The following NDUFS1 variants were observed in gnomAD, a reference collection of about 807,000 sequenced individuals.
NDUFS1 encodes NADH:ubiquinone oxidoreductase core subunit S1.
Under a neutral mutation model 84.4 loss-of-function variants are expected in NDUFS1, and 61 were observed. The ratio of observed to expected loss-of-function variants is 0.72; its 90% confidence interval spans 0.59 to 0.89. The LOEUF (loss-of-function observed/expected upper bound fraction) is 0.89. Among genes scored for constraint, NDUFS1 ranks in the 40% least tolerant of loss-of-function variants. The pLI is 0.00. For synonymous variants in NDUFS1, 275 were observed against 290.0 expected, an observed-to-expected ratio of 0.95 and a Z score of 0.53; for missense variants, 891 against 890.0, an observed-to-expected ratio of 1.00 and a Z score of -0.01.
chr2:206,158,052 C>A (rs960511681), intron 1 of NDUFS1, among the ~76,000 whole-genome samples: 1 of 151,282 alleles, frequency 6.6e-6, no homozygotes, highest in African/African-American at 2.4e-5. Context: ...CAAGCCCCGC[C>A]ACCCGGGTTC....
chr2:206,141,597 TAAA>T (rs35163721), intron 12 of NDUFS1, among the ~76,000 whole-genome samples: 8,019 of 136,362 alleles, frequency 0.059, 296 homozygotes, highest in African/African-American at 0.11. Flanking sequence ...TTAAAAAAAT[TAAA>T]AAAAAAAAAA....
At chr2:206,156,996 C>A (rs9750412) in intron 1 of NDUFS1, among the ~76,000 whole-genome samples, 1 of 152,202 alleles carries the variant, frequency 6.6e-6, no homozygotes, top group Non-Finnish European at 1.5e-5. Flanking sequence ...CTCACTCTGT[C>A]ACCCAGGTTG....
At chr2:206,158,029 T>A (rs139515229) in intron 1 of NDUFS1, among the ~76,000 whole-genome samples, 1 of 148,148 alleles carries the variant, frequency 6.8e-6, no homozygotes, top group Non-Finnish European at 1.5e-5. Context: ...AGCGGAGCGA[T>A]CTCGGCTCAC....
At position 206,142,117 on chromosome 2, in the gene NDUFS1, TA is replaced by T. The variant is rs1269835920; in HGVS notation, c.1134-49del. ...GCAAATTTACTTTAAAATTAAGACA[TA>T]CAGAGAATCCATGAAATATTCTCCT... On this transcript the variant is annotated intron_variant, in intron 11 of 18. Transcript: ENST00000233190. The T allele has an allele frequency of 9.4e-6, 14 of 1,488,712 alleles. No homozygotes were observed. In the East Asian group the frequency reaches 3.3e-4, roughly 35 times the overall value. 92.2% of individuals were successfully genotyped at this position (1,488,712 alleles called of 1,614,324 possible).
intron 1 of NDUFS1, among the ~76,000 whole-genome samples, chr2:206,158,124 A>G (rs1463706089): frequency 6.6e-6 from 1 of 151,764 alleles, no homozygotes; most frequent in Non-Finnish European, 1.5e-5. Flanking sequence ...CACCACGCCC[A>G]GCTAATTTTT....
intron 12 of NDUFS1, among the ~76,000 whole-genome samples, chr2:206,141,002 T>C (rs911878577): frequency 5.3e-5 from 8 of 151,024 alleles, no homozygotes; most frequent in African/African-American, 7.4e-5. Flanking sequence ...AGTTAATCTA[T>C]GTGAACAATA....
intron 15 of NDUFS1, among the ~76,000 whole-genome samples, chr2:206,128,966 G>C (rs567340775): frequency 6.6e-6 from 1 of 152,040 alleles, no homozygotes; most frequent in South Asian, 2.1e-4. Flanking sequence ...AATGGGGGAG[G>C]ATGCAAAGAC....
At chr2:206,158,550 TAG>T (rs1281139523) in intron 1 of NDUFS1, among the ~76,000 whole-genome samples, 1 of 152,238 alleles carries the variant, frequency 6.6e-6, no homozygotes, top group Non-Finnish European at 1.5e-5. Context: ...CGTTAATTTG[TAG>T]AGACCACTTT....
In NDUFS1 at chr2:206,115,490, C is replaced by T. The variant is rs1690920065; in HGVS notation, c.*8695G>A. 5.4e-6 allele frequency: 1 copy of T among 185,926 alleles called. No homozygotes were observed. The highest frequency in any genetic ancestry group is 2.4e-5 in the African/African-American group (1 of 41,668). 11.5% of individuals were successfully genotyped at this position (185,926 alleles called of 1,614,324 possible). ...ATGGGAGGACAGCAAGAAGGCCCTT[C>T]CCAGATGCTGGCACCTGATCATGGT... is the stretch of plus-strand genomic sequence containing the variant. On this transcript the variant is annotated 3_prime_UTR_variant, in exon 19 of 19. Transcript: ENST00000233190.
chr2:206,146,969 T>C lies in NDUFS1; in HGVS notation c.671A>G (p.Asp224Gly), dbSNP rs1692176605. The C allele has an allele frequency of 3.1e-6, 5 of 1,614,130 alleles. No individual in the cohort carries two copies. Among genetic ancestry groups the C allele is most frequent in the Non-Finnish European group, 4.2e-6 (5 of 1,179,980 alleles). Residue 224 changes from aspartate to glycine, a missense_variant, in exon 8 of 19, where the codon GAT (aspartate) becomes GGT (glycine). Asp to Gly is a moderately conservative substitution (Grantham distance 94, BLOSUM62 -1). Coordinates refer to ENST00000233190, the MANE Select transcript of NDUFS1 (RefSeq NM_005006.7). ...FMSELSGNII[D>G]ICPVGALTSK... ...GGTTAGGGCACCTACAGGGCAGATA[T>C]CAATGATATTCCCAGACAGTTCAGA...
chr2:206,126,506 G>T, intron 18 of NDUFS1, 33 bp downstream of exon 18: 1 of 1,590,364 alleles, frequency 6.3e-7, no homozygotes, highest in Non-Finnish European at 8.6e-7. Flanking sequence ...CTTACCTTTC[G>T]TATTTGGCAG....
intron 3 of NDUFS1, among the ~76,000 whole-genome samples, chr2:206,152,113 G>A (rs781438283): frequency 7.9e-5 from 12 of 152,024 alleles, no homozygotes; most frequent in South Asian, 2.1e-4. Context: ...CGCCCGCCTC[G>A]GCCTCCCAAA....
At chr2:206,140,540 G>C (rs999899161) in intron 12 of NDUFS1, among the ~76,000 whole-genome samples, 1 of 152,112 alleles carries the variant, frequency 6.6e-6, no homozygotes, top group African/African-American at 2.4e-5. Flanking sequence ...GAGTACAGTG[G>C]CATGATCTTG....
intron 5 of NDUFS1, 98 bp from the exon 6 acceptor site, chr2:206,147,932 T>C: frequency 8.7e-7 from 1 of 1,147,926 alleles, no homozygotes; most frequent in Non-Finnish European, 1.3e-6. Flanking sequence ...TATTTTTTTT[T>C]TTTGAGATGG....
chr2:206,159,027 C>A (rs1487661274), intron 1 of NDUFS1: 3 of 1,497,358 alleles, frequency 2.0e-6, no homozygotes, highest in Admixed American at 2.0e-5. Flanking sequence ...GGGAATAAAA[C>A]GGCCTCCTCC....
In NDUFS1 at chr2:206,151,237, T is replaced by G. The variant is rs75471146; in HGVS notation, c.153+1182A>C. 3.1e-3 allele frequency among the ~76,000 whole-genome samples: 471 copies of G among 152,338 alleles called. 1 individual carries two copies. The highest frequency in any genetic ancestry group is 0.031 in the Middle Eastern group (9 of 294). Reference sequence around the variant, plus strand: ...CTCTTCTGCATAGCAGATACTGTATTTCATGACTGGACCTTCCCTTCCTCA... The same window carrying G: ...CTCTTCTGCATAGCAGATACTGTATGTCATGACTGGACCTTCCCTTCCTCA... On this transcript the variant is annotated intron_variant, in intron 3 of 18. Coordinates refer to ENST00000233190, the MANE Select transcript of NDUFS1 (RefSeq NM_005006.7).
Position 206,152,446 on chromosome 2 carries a change from C to A in NDUFS1, c.126G>T (p.Met42Ile). 6.2e-7 allele frequency: 1 copy of A among 1,614,092 alleles called. No homozygotes were observed. Residue 42 changes from methionine to isoleucine, a missense_variant, in exon 3 of 19, where the codon ATG becomes ATT. Physicochemically the swap from Met to Ile is conservative, Grantham distance 10. Transcript: ENST00000233190. ...IEVFVDGQSV[M>I]VEPGTTVLQA... is the part of the protein sequence containing the mutation. ...GGAGGACGGTCGTTCCCGGTTCCAC[C>A]ATGACAGACTGACCATCAACAAATA...
At chr2:206,159,237 A>G (rs1227962863) in intron 1 of NDUFS1, 104 bp downstream of exon 1, 1 of 1,175,632 alleles carries the variant, frequency 8.5e-7, no homozygotes, top group Non-Finnish European at 1.2e-6. Context: ...CGCCCAGTCA[A>G]GGACAACAGA....
At chr2:206,154,966 C>T (rs910830764) in intron 1 of NDUFS1, among the ~76,000 whole-genome samples, 7 of 130,070 alleles carry the variant, frequency 5.4e-5, no homozygotes, top group Non-Finnish European at 1.1e-4. Context: ...TACTCTGTTG[C>T]CCAGGCTGGA....
Sources: allele counts gnomAD v4.1 joint callset (sites outside exome capture counted in the v4.1 genomes callset), GRCh38; gene constraint gnomAD v4.1.1; transcripts MANE v1.5; gene names NCBI Gene and HGNC (gene_info 2026-07-23, HGNC 2026-07-21).